PCDH15: variants seen among roughly 807,000 people sequenced by gnomAD.
PCDH15 encodes the protein protocadherin related 15.
In PCDH15, 129 loss-of-function variants were observed where a neutral mutation model predicts 178.5. That is an observed-to-expected ratio of 0.72 (90% CI 0.63 to 0.84). The LOEUF is 0.84. PCDH15 is among the 40% of genes least tolerant of loss of function. PCDH15 has a pLI of 0.00. For synonymous variants in PCDH15, 800 were observed against 732.0 expected, an observed-to-expected ratio of 1.09 and a Z score of -1.50; for missense variants, 2,230 against 2,099.9, an observed-to-expected ratio of 1.06 and a Z score of -1.21.
intron 2 of PCDH15, among the ~76,000 whole-genome samples, chr10:55,443,397 T>C (rs1429454451): frequency 7.2e-5 from 11 of 152,020 alleles, no homozygotes; most frequent in Admixed American, 7.2e-4. Context: ...AAAGGGCTAA[T>C]ATCCAGAATC....
At chr10:53,888,703 A>ATATATATATATATATATATAG (rs2081351421) in intron 26 of PCDH15, among the ~76,000 whole-genome samples, 1 of 21,082 alleles carries the variant, frequency 4.7e-5, no homozygotes, top group African/African-American at 9.0e-5. Context: ...ATATATATAT[A>ATATATATATATATATATATAG]TCTCCTGTGG....
chr10:54,650,147 A>G (rs1039815550), intron 2 of PCDH15, among the ~76,000 whole-genome samples: 6 of 152,198 alleles, frequency 3.9e-5, no homozygotes, highest in African/African-American at 1.4e-4. Context: ...GGAGAACAAT[A>G]AATAAATTAG....
At chr10:55,130,076 T>C (rs888013390) in intron 2 of PCDH15, among the ~76,000 whole-genome samples, 4 of 152,014 alleles carry the variant, frequency 2.6e-5, no homozygotes, top group African/African-American at 9.7e-5. Flanking sequence ...CAGATGAAGG[T>C]TGAGAACAAT....
chr10:54,734,216 A>G (rs1311464448), intron 1 of PCDH15, among the ~76,000 whole-genome samples: 1 of 151,928 alleles, frequency 6.6e-6, no homozygotes, highest in Admixed American at 6.6e-5. Flanking sequence ...AAGAGCAATT[A>G]TGACACGATA....
At chr10:54,752,979 T>C (rs1311437093) in intron 1 of PCDH15, among the ~76,000 whole-genome samples, 1 of 152,174 alleles carries the variant, frequency 6.6e-6, no homozygotes, top group Non-Finnish European at 1.5e-5. Context: ...TAAATATATA[T>C]TGACAATATA....
At chr10:54,874,078 C>T (rs1283727544) in intron 3 of PCDH15, among the ~76,000 whole-genome samples, 5 of 68,886 alleles carry the variant, frequency 7.3e-5, no homozygotes, top group Non-Finnish European at 1.1e-4. Context: ...CCCACTAACT[C>T]GTCATCTAGC....
chr10:53,916,423 ATTGT>A (rs36152743), intron 25 of PCDH15, among the ~76,000 whole-genome samples: 14,730 of 152,144 alleles, frequency 0.097, 1,692 homozygotes, highest in African/African-American at 0.26. Context: ...AGGATGCAAA[ATTGT>A]TTGTTTTCAT....
chr10:54,387,419 A>G (rs1315918131), intron 3 of PCDH15, among the ~76,000 whole-genome samples: 1 of 152,220 alleles, frequency 6.6e-6, no homozygotes, highest in Non-Finnish European at 1.5e-5. Context: ...ATTCTGACAC[A>G]TGCTACAACA....
intron 23 of PCDH15, among the ~76,000 whole-genome samples, chr10:53,944,232 C>T (rs2086332315): frequency 6.6e-6 from 1 of 152,108 alleles, no homozygotes; most frequent in Admixed American, 6.5e-5. Context: ...TATGAACGAT[C>T]AATGGGAATT....
At chr10:53,968,545 A>G (rs1053121254) in intron 21 of PCDH15, among the ~76,000 whole-genome samples, 6 of 152,176 alleles carry the variant, frequency 3.9e-5, no homozygotes, top group Non-Finnish European at 1.5e-5. Context: ...GAACGGACAG[A>G]CTGCCTCCTC....
intron 2 of PCDH15, among the ~76,000 whole-genome samples, chr10:55,029,020 ATAT>A: frequency 6.6e-6 from 1 of 152,138 alleles, no homozygotes; most frequent in South Asian, 2.1e-4. Flanking sequence ...AACAATTAAA[ATAT>A]TATTAATACT....
intron 20 of PCDH15, among the ~76,000 whole-genome samples, chr10:54,006,320 G>A (rs939392889): frequency 2.6e-5 from 4 of 152,118 alleles, no homozygotes; most frequent in Admixed American, 1.3e-4. Context: ...AGAAGAGAGG[G>A]AAACATTTGA....
chr10:54,030,628 A>G (rs2135415193), intron 18 of PCDH15, among the ~76,000 whole-genome samples: 1 of 152,176 alleles, frequency 6.6e-6, no homozygotes, highest in Non-Finnish European at 1.5e-5. Context: ...TAGTCCCTAG[A>G]AAACACATAT....
chr10:55,585,648 C>A (rs1397654064), intron 2 of PCDH15, among the ~76,000 whole-genome samples: 2 of 151,932 alleles, frequency 1.3e-5, no homozygotes, highest in Admixed American at 6.6e-5. Context: ...TGCACTCCAG[C>A]CTGGTCATCA....
chr10:54,590,494 C>T (rs2091813879), intron 2 of PCDH15, among the ~76,000 whole-genome samples: 1 of 152,112 alleles, frequency 6.6e-6, no homozygotes, highest in Non-Finnish European at 1.5e-5. Flanking sequence ...TACACATATT[C>T]GGGACCAACA....
intron 25 of PCDH15, among the ~76,000 whole-genome samples, chr10:53,923,649 T>C (rs1416641833): frequency 6.6e-6 from 1 of 152,358 alleles, no homozygotes; most frequent in East Asian, 1.9e-4. Context: ...CCTTTATTAT[T>C]TATTTGGCAC....
chr10:55,281,420 AT>A (rs142181140), intron 1 of PCDH15, among the ~76,000 whole-genome samples: 10,237 of 147,240 alleles, frequency 0.07, 535 homozygotes, highest in African/African-American at 0.15. Context: ...ATAAAAACAC[AT>A]TTTTTTTTTC....
chr10:54,109,998 T>G (rs2094986900), intron 15 of PCDH15, among the ~76,000 whole-genome samples: 1 of 152,006 alleles, frequency 6.6e-6, no homozygotes, highest in Admixed American at 6.6e-5. Flanking sequence ...GAAAGAAAAT[T>G]TAAAAATACA....
rs185195053 is a variant in PCDH15, at chr10:55,497,907, G to A, written c.-156+129718C>T. ...GTGAACTCTCTTCAAATTCTATCAC[G>A]TTCAAAATGTATAAGATTAGCTGGC... On this transcript the variant is annotated intron_variant, in intron 2 of 5. Coordinates refer to the PCDH15 transcript ENST00000613346. 1.6e-3 allele frequency among the ~76,000 whole-genome samples: 243 copies of A among 151,948 alleles called. 4 individuals carry two copies. The highest frequency in any genetic ancestry group is 5.3e-3 in the African/African-American group (221 of 41,520).
Sources: gnomAD v4.1 joint callset for allele counts (sites outside exome capture counted in the v4.1 genomes callset) on GRCh38, gnomAD v4.1.1 for gene constraint, MANE v1.5 for transcripts, NCBI Gene and HGNC (gene_info 2026-07-23, HGNC 2026-07-21) for gene names.